Variants in CWC27 observed in about 807,000 individuals in gnomAD.
CWC27 encodes spliceosome-associated protein CWC27 homolog.
CWC27 carries 47 observed loss-of-function variants against 63.6 expected under a neutral mutation model. That is an observed-to-expected ratio of 0.74 (90% CI 0.58 to 0.94). CWC27 has a LOEUF of 0.94. Ranked by LOEUF, CWC27 falls within the 40% of genes least tolerant of loss-of-function variation. The probability of loss-of-function intolerance (pLI) is 0.00; values close to 1 mark genes in which losing one functional copy is unlikely to be tolerated. For synonymous variants in CWC27, 175 were observed against 179.8 expected, an observed-to-expected ratio of 0.97 and a Z score of 0.22; for missense variants, 495 against 554.3, an observed-to-expected ratio of 0.89 and a Z score of 1.07.
At chr5:64,774,456 A>G (rs1457675630) in intron 1 of CWC27, among the ~76,000 whole-genome samples, 1 of 152,206 alleles carries the variant, frequency 6.6e-6, no homozygotes, top group Non-Finnish European at 1.5e-5. Context: ...GATATATGCT[A>G]TTGTTTTCTT....
intron 13 of CWC27, among the ~76,000 whole-genome samples, chr5:65,007,010 G>GAAAGAAAGA (rs1749858303): frequency 7.2e-6 from 1 of 138,416 alleles, no homozygotes; most frequent in African/African-American, 2.8e-5. Context: ...AAGAAAGAAA[G>GAAAGAAAGA]AAAGAAAGAA....
intron 9 of CWC27, among the ~76,000 whole-genome samples, chr5:64,803,367 C>T (rs182008555): frequency 2.0e-5 from 3 of 152,258 alleles, no homozygotes; most frequent in Non-Finnish European, 4.4e-5. Context: ...GTTGAAGATA[C>T]AGCAGTAAGC....
chr5:64,826,456 ATG>A (rs1331974902), intron 10 of CWC27, among the ~76,000 whole-genome samples: 1 of 152,164 alleles, frequency 6.6e-6, no homozygotes, highest in Non-Finnish European at 1.5e-5. Flanking sequence ...CTTGAAAAGA[ATG>A]TGTATTCTGC....
intron 1 of CWC27, 134 bp from the exon 2 acceptor site, chr5:64,774,557 A>T (rs532237302): frequency 8.1e-6 from 4 of 494,242 alleles, no homozygotes; most frequent in Non-Finnish European, 1.4e-5. Context: ...GAGTATATCA[A>T]CAAAAGCCAA....
chr5:64,971,203 C>G (rs1256713288), intron 11 of CWC27, among the ~76,000 whole-genome samples: 3 of 152,026 alleles, frequency 2.0e-5, no homozygotes, highest in Non-Finnish European at 2.9e-5. Flanking sequence ...TTTTTGTCTG[C>G]TTTTGCTAAC....
At chr5:64,790,334 C>T (rs1009710203) in intron 7 of CWC27, among the ~76,000 whole-genome samples, 1 of 152,108 alleles carries the variant, frequency 6.6e-6, no homozygotes, top group Non-Finnish European at 1.5e-5. Context: ...ATCACTCTGT[C>T]ACCTCAATAT....
At chr5:64,811,266 T>C (rs1013015319) in intron 10 of CWC27, among the ~76,000 whole-genome samples, 9 of 152,182 alleles carry the variant, frequency 5.9e-5, no homozygotes, top group African/African-American at 2.2e-4. Flanking sequence ...GTAAATCAGA[T>C]TGTGTTGTCT....
At chr5:64,804,505 CAT>C in intron 10 of CWC27, 119 bp downstream of exon 10, 1 of 1,094,452 alleles carries the variant, frequency 9.1e-7, no homozygotes, top group Admixed American at 3.0e-5. Flanking sequence ...GTTTGATAAA[CAT>C]AACAGTTGTA....
Position 64,900,255 on chromosome 5 carries a change from C to T in CWC27, c.1042+14709C>T, listed in dbSNP as rs1363488986. Among the ~76,000 whole-genome samples, 3 of 152,284 alleles carry T rather than the reference C, an allele frequency of 2.0e-5. No homozygotes were observed. In the East Asian group the frequency reaches 5.8e-4, roughly 29 times the overall value. On this transcript the variant is annotated intron_variant, in intron 11 of 13. Transcript: ENST00000381070. Reference sequence around the variant, plus strand: ...TCGTGTGGTCACTTTCTAATTTTAGCCATTCTAATAGTTTGCAGTGTTACT... The same window carrying T: ...TCGTGTGGTCACTTTCTAATTTTAGTCATTCTAATAGTTTGCAGTGTTACT...
intron 13 of CWC27, among the ~76,000 whole-genome samples, chr5:64,999,967 G>A (rs1181049144): frequency 6.6e-6 from 1 of 151,958 alleles, no homozygotes; most frequent in Non-Finnish European, 1.5e-5. Context: ...GTGTATAAGA[G>A]TTACCTTTCT....
chr5:64,960,199 G>A (rs1351964081), intron 11 of CWC27, among the ~76,000 whole-genome samples: 1 of 139,418 alleles, frequency 7.2e-6, no homozygotes, highest in Admixed American at 7.3e-5. Context: ...GATTGGAATT[G>A]TTTTCCTAGG....
At chr5:64,841,938 C>T (rs185630544) in intron 10 of CWC27, among the ~76,000 whole-genome samples, 28 of 152,252 alleles carry the variant, frequency 1.8e-4, no homozygotes, top group Middle Eastern at 3.4e-3. Context: ...CCTTGGCCTC[C>T]CAAAGTGCTG....
At chr5:64,811,691 T>C (rs1472293870) in intron 10 of CWC27, among the ~76,000 whole-genome samples, 1 of 152,034 alleles carries the variant, frequency 6.6e-6, no homozygotes, top group Non-Finnish European at 1.5e-5. Flanking sequence ...AATGATCTTA[T>C]TTGATAAAGT....
intron 10 of CWC27, among the ~76,000 whole-genome samples, chr5:64,858,727 T>TA (rs945273621): frequency 1.8e-3 from 274 of 148,954 alleles, no homozygotes; most frequent in African/African-American, 5.3e-3. Flanking sequence ...GATTGACATT[T>TA]AAAAAAAAAA....
In CWC27 at chr5:64,908,626, A is replaced by G. The variant is rs923618607; in HGVS notation, c.1042+23080A>G. 4.6e-5 allele frequency among the ~76,000 whole-genome samples: 7 copies of G among 152,122 alleles called. 1 individual carries two copies. The East Asian group carries it at 9.6e-4, about 21-fold the overall frequency. ...CTCCTCTTATTGAATTGATCCCTTT[A>G]CCACTATGTAATGGCCTTCTTTGTC... is the stretch of plus-strand genomic sequence containing the variant. On this transcript the variant is annotated intron_variant, in intron 11 of 13. Coordinates refer to ENST00000381070, the MANE Select transcript of CWC27 (RefSeq NM_005869.4).
chr5:64,863,172 T>A (rs945353909), intron 10 of CWC27, among the ~76,000 whole-genome samples: 4 of 152,192 alleles, frequency 2.6e-5, no homozygotes, highest in Non-Finnish European at 5.9e-5. Context: ...ACTTGTTAGA[T>A]TTTTTTCTAT....
intron 13 of CWC27, among the ~76,000 whole-genome samples, chr5:65,010,391 G>C (rs1299333161): frequency 6.6e-6 from 1 of 152,104 alleles, no homozygotes; most frequent in Non-Finnish European, 1.5e-5. Flanking sequence ...GGCTGGTTTT[G>C]CTTTTTAAAT....
intron 11 of CWC27, among the ~76,000 whole-genome samples, chr5:64,904,440 C>T (rs928833157): frequency 6.6e-6 from 1 of 152,224 alleles, no homozygotes; most frequent in Middle Eastern, 3.2e-3. Context: ...AGAGAATCTA[C>T]TAAGATGACT....
At chr5:64,845,529 T>C (rs1745953803) in intron 10 of CWC27, among the ~76,000 whole-genome samples, 1 of 152,058 alleles carries the variant, frequency 6.6e-6, no homozygotes, top group South Asian at 2.1e-4. Context: ...TTGACAGAAA[T>C]AGAAACAATA....
Sources: allele counts gnomAD v4.1 joint callset (sites outside exome capture counted in the v4.1 genomes callset), GRCh38; gene constraint gnomAD v4.1.1; transcripts MANE v1.5; gene names NCBI Gene and HGNC (gene_info 2026-07-23, HGNC 2026-07-21).